Variants in SON observed in about 807,000 individuals in gnomAD.
The protein encoded by SON is SON DNA and RNA binding protein, also known as protein SON.
Under a neutral mutation model 173.3 loss-of-function variants are expected in SON, and 4 were observed. The ratio of observed to expected loss-of-function variants is 0.02; its 90% CI spans 0.01 to 0.05. The LOEUF is 0.05. Among genes scored for constraint, SON ranks in the 10% least tolerant of loss-of-function variants. SON has a pLI of 1.00. For missense variants in SON, 2,626 were observed against 3,055.3 expected (o/e 0.86, Z 3.31); for synonymous variants, 1,190 against 1,105.9 (o/e 1.08, Z -1.51).
intron 4 of SON, chr21:33,557,815 C>A: frequency 2.3e-6 from 2 of 864,124 alleles, no homozygotes; most frequent in South Asian, 2.1e-5. Context: ...CTGTTTGGTA[C>A]CAGCCATTGG....
At chr21:33,543,681 C>T (rs1013388514) in intron 1 of SON, among the ~76,000 whole-genome samples, 1 of 152,182 alleles carries the variant, frequency 6.6e-6, no homozygotes, top group African/African-American at 2.4e-5. Context: ...TAAGATTATT[C>T]GGGGCCTAGT....
Position 33,550,601 on chromosome 21 carries a change from C to T in SON, c.1370C>T (p.Pro457Leu), listed in dbSNP as rs1421401662. 6.2e-7 allele frequency: 1 copy of T among 1,613,880 alleles called. No homozygotes were observed. Among genetic ancestry groups the T allele is most frequent in the Admixed American group, 1.7e-5 (1 of 60,022 alleles). ...TTGTCGCAGGAATTGCCAGGGCTTC[C>T]AGCACCATCCATGGGGTTGGAGCCA... ...PQLSQELPGLPAPSMGLEPPQ... is the reference protein window; with the variant it reads ...PQLSQELPGLLAPSMGLEPPQ... Residue 457 changes from proline (P) to leucine (L), a missense_variant, in exon 3 of 12, where the codon CCA becomes CTA. Pro to Leu is a moderately conservative substitution (Grantham distance 98). Transcript: ENST00000356577.
At chr21:33,567,577 G>C (rs2086199043) in intron 7 of SON, 2 of 288,286 alleles carry the variant, frequency 6.9e-6, no homozygotes, top group Non-Finnish European at 1.4e-5. Context: ...CCTATGAAAT[G>C]TGTAGGTATT....
At chr21:33,548,530 C>T (rs573618409) in intron 2 of SON, among the ~76,000 whole-genome samples, 4 of 152,322 alleles carry the variant, frequency 2.6e-5, no homozygotes, top group African/African-American at 7.2e-5. Context: ...TTTTTATACT[C>T]TGTAGAAGCA....
chr21:33,548,776 T>C (rs2085683132), intron 2 of SON, among the ~76,000 whole-genome samples: 1 of 152,200 alleles, frequency 6.6e-6, no homozygotes, highest in Non-Finnish European at 1.5e-5. Flanking sequence ...AAAAATTATA[T>C]TATGTGGGTA....
At position 33,552,820 on chromosome 21, in the gene SON, A is replaced by G. The variant is rs767388433; in HGVS notation, c.3589A>G (p.Thr1197Ala). The change falls in exon 3 of 12, where the codon ACA becomes GCA. Residue 1197 changes from threonine to alanine, a missense_variant. Coordinates refer to ENST00000356577, the MANE Select transcript of SON (RefSeq NM_138927.4). The surrounding 1 kb of genome is among the most constrained non-coding windows in gnomAD (Gnocchi z 5.6). ...ATTAACAGCTGAAAATACTTGGCCTACAGAGGTGCCATCATCACCATCTGA... is the reference window on the plus strand; with the variant it reads ...ATTAACAGCTGAAAATACTTGGCCTGCAGAGGTGCCATCATCACCATCTGA... The part of the protein sequence containing the change: ...SALTAENTWP[T>A]EVPSSPSEES... 135 of 1,613,644 alleles carry G rather than the reference A, an allele frequency of 8.4e-5. No individual in the cohort carries two copies. Among genetic ancestry groups the G allele is most frequent in the Non-Finnish European group, 1.1e-4 (134 of 1,179,830 alleles).
chr21:33,564,739 A>C (rs927776385), intron 6 of SON, among the ~76,000 whole-genome samples: 2 of 152,006 alleles, frequency 1.3e-5, no homozygotes, highest in African/African-American at 4.8e-5. Flanking sequence ...GCATGCCTGT[A>C]ATCCCAGCTA....
At chr21:33,545,885 C>T (rs775066654) in intron 1 of SON, among the ~76,000 whole-genome samples, 1 of 152,128 alleles carries the variant, frequency 6.6e-6, no homozygotes. Flanking sequence ...TGACCGGGCT[C>T]TTATTAATTT....
intron 3 of SON, 115 bp from the exon 4 acceptor site, chr21:33,557,041 C>T (rs2085981603): frequency 2.5e-6 from 2 of 803,794 alleles, no homozygotes; most frequent in South Asian, 3.0e-5. Context: ...TGTTAGATAC[C>T]CAAGTTCTTC....
chr21:33,559,286 T>C lies in SON; in HGVS notation c.6378T>C (p.Pro2126=). 6.2e-7 allele frequency: 1 copy of C among 1,611,650 alleles called. No individual in the cohort carries two copies. The highest frequency in any genetic ancestry group is 8.5e-7 in the Non-Finnish European group (1 of 1,178,422). The change falls in exon 5 of 12, where the codon CCT becomes CCC. Residue 2126 remains proline (P), a synonymous_variant. Transcript: ENST00000356577. The surrounding 1 kb of genome is among the most constrained non-coding windows in gnomAD (Gnocchi z 4.1). ...KEDDDVIVNK[P]HVSDEEEEEP... ...ATGATGATGTAATAGTGAATAAACC[T>C]CATGTTTCGGATGAAGAGGAAGAAG...
In SON at chr21:33,554,140, A is replaced by G. The variant is rs2085895215; in HGVS notation, c.4909A>G (p.Thr1637Ala). The change falls in exon 3 of 12, where the codon ACT becomes GCT. Residue 1637 changes from threonine to alanine, a missense_variant. By Grantham distance (58) the Thr-to-Ala change is moderately conservative. Transcript: ENST00000356577. The part of the protein sequence containing the change: ...DVDLSLTTQD[T>A]EHDMVISTSP... ...TGATTTATCTTTAACTACTCAAGAT[A>G]CTGAACATGACATGGTAATTTCCAC... is the stretch of plus-strand genomic sequence containing the variant. 1 of 1,614,118 alleles carries G rather than the reference A, an allele frequency of 6.2e-7. No individual in the cohort carries two copies. Among genetic ancestry groups the G allele is most frequent in the Admixed American group, 1.7e-5 (1 of 60,028 alleles).
rs754410293 is a variant in SON at position 33,555,180 on chromosome 21, C to CCGGAGCCGCACCCCTAGCCGT, written c.5964_5984dup (p.Ser1992_Arg1998dup). 2 of 1,506,402 alleles carry CCGGAGCCGCACCCCTAGCCGT rather than the reference C, an allele frequency of 1.3e-6. No individual in the cohort carries two copies. The highest frequency in any genetic ancestry group is 2.6e-5 in the East Asian group (1 of 37,790). 93.3% of individuals were successfully genotyped at this position (1,506,402 alleles called of 1,614,324 possible). A position where few individuals can be genotyped will look rare whatever the true frequency, so the allele number is the denominator to read the frequency against. ...GCCGCCGCAGCCGCACCCCCAGCCGCCGGAGCCGCACCCCTAGCCGTCGGA... is the reference window on the plus strand; with the variant it reads ...GCCGCCGCAGCCGCACCCCCAGCCGCCGGAGCCGCACCCCTAGCCGTCGGAGCCGCACCCCTAGCCGTCGGA... On this transcript the variant is annotated inframe_insertion, in exon 3 of 12. Coordinates refer to ENST00000356577, the MANE Select transcript of SON (RefSeq NM_138927.4).
chr21:33,561,273 G>A (rs763285598), intron 6 of SON, among the ~76,000 whole-genome samples: 3 of 152,144 alleles, frequency 2.0e-5, no homozygotes, highest in Non-Finnish European at 4.4e-5. Context: ...CCCCAATCAG[G>A]CTACCTGCAT....
In SON at chr21:33,554,562, A is replaced by G; in HGVS notation, c.5331A>G (p.Glu1777=). Residue 1777 remains glutamate (E), a synonymous_variant, in exon 3 of 12, where the codon GAA becomes GAG. Coordinates refer to ENST00000356577, the MANE Select transcript of SON (RefSeq NM_138927.4). ...GCCCGGTTGTAAGTAGTATGCCAGAAAGAGCTTCAGAGTCTTCTTCAGAGG... is the reference window on the plus strand; with the variant it reads ...GCCCGGTTGTAAGTAGTATGCCAGAGAGAGCTTCAGAGTCTTCTTCAGAGG... ...AASPVVSSMP[E]RASESSSEEK... is the part of the protein sequence containing the mutation. The G allele has an allele frequency of 6.2e-7, 1 of 1,614,062 alleles. No individual in the cohort carries two copies. The highest frequency in any genetic ancestry group is 8.5e-7 in the Non-Finnish European group (1 of 1,180,042).
chr21:33,570,679 C>A (rs761142170), intron 8 of SON, among the ~76,000 whole-genome samples: 8 of 152,128 alleles, frequency 5.3e-5, no homozygotes, highest in Non-Finnish European at 1.2e-4. Context: ...AAATGTACAT[C>A]TATTTCTTTA....
intron 8 of SON, among the ~76,000 whole-genome samples, chr21:33,571,042 G>C (rs1360226876): frequency 6.6e-6 from 1 of 151,896 alleles, no homozygotes; most frequent in African/African-American, 2.4e-5. Context: ...GTAGCACCTT[G>C]AAAAAAGGCT....
intron 8 of SON, chr21:33,572,206 T>G (rs2086301120): frequency 1.4e-5 from 2 of 147,838 alleles, no homozygotes; most frequent in South Asian, 4.2e-4. Context: ...TATATATATT[T>G]GGTAAGAGAA....
In SON at chr21:33,543,097, C is replaced by T. The variant is rs763114889; in HGVS notation, c.5C>T (p.Ala2Val). 2 of 1,614,042 alleles carry T rather than the reference C, an allele frequency of 1.2e-6. No individual in the cohort carries two copies. Among genetic ancestry groups the T allele is most frequent in the African/African-American group, 1.3e-5 (1 of 74,950 alleles). The change falls in exon 1 of 12, where the codon GCG becomes GTG. Residue 2 changes from alanine (A) to valine (V), a missense_variant. This residue lies in a region of SON where 757 missense variants were observed against 730.1 expected (regional missense o/e 1.04). Coordinates refer to ENST00000356577, the MANE Select transcript of SON (RefSeq NM_138927.4). M[A>V]TNIEQIFRSF... ...TGAGAGAACGGAGCGGACGCCATGG[C>T]GACCAACATCGAGCAGATTTTTAGG...
At position 33,557,392 on chromosome 21, in the gene SON, C is replaced by T. The variant is rs2085989100; in HGVS notation, c.6321+76C>T. On this transcript the variant is annotated intron_variant, in intron 4 of 11. Coordinates refer to ENST00000356577, the MANE Select transcript of SON (RefSeq NM_138927.4). ...GTTGACTCTGGAGCGTGCCAAAACC[C>T]GAATTGTGGGCAGAACTGATAATGG... The T allele has an allele frequency of 7.0e-6, 11 of 1,568,400 alleles. No individual in the cohort carries two copies. In the South Asian group the frequency reaches 1.0e-4, roughly 15 times the overall value.
Sources: gnomAD v4.1 joint callset for allele counts (sites outside exome capture counted in the v4.1 genomes callset) on GRCh38, gnomAD v4.1.1 for gene constraint, gnomAD v4.1.1 regional missense constraint, Gnocchi (gnomAD v3.1) non-coding constraint, MANE v1.5 for transcripts, NCBI Gene and HGNC (gene_info 2026-07-23, HGNC 2026-07-21) for gene names.